GPC5: variants seen among roughly 807,000 people sequenced by gnomAD.
The protein encoded by GPC5 is glypican-5.
Under a neutral mutation model 53.9 loss-of-function variants are expected in GPC5, and 47 were observed. That is an observed-to-expected ratio of 0.87 (90% CI 0.69 to 1.11). GPC5 has a LOEUF of 1.11. GPC5 is among the 50% of genes most tolerant of loss of function. The pLI is 0.00. For missense variants in GPC5, 748 were observed against 713.1 expected (o/e 1.05, Z -0.56); for synonymous variants, 286 against 263.3 (o/e 1.09, Z -0.84).
At chr13:91,597,924 A>ATTT (rs11443769) in intron 2 of GPC5, among the ~76,000 whole-genome samples, 2 of 150,968 alleles carry the variant, frequency 1.3e-5, no homozygotes, top group East Asian at 1.9e-4. Context: ...TTGAGTTTGT[A>ATTT]TTTCTTTTTA....
chr13:92,613,869 T>C (rs1369325032), intron 7 of GPC5, among the ~76,000 whole-genome samples: 7 of 151,016 alleles, frequency 4.6e-5, no homozygotes, highest in South Asian at 2.1e-4. Context: ...AAAAAATTCT[T>C]TTAAAATAAA....
chr13:92,440,203 T>C (rs143108179), intron 7 of GPC5, among the ~76,000 whole-genome samples: 30 of 152,292 alleles, frequency 2.0e-4, no homozygotes, highest in African/African-American at 6.5e-4. Context: ...CCATTCCCCA[T>C]GTACTGAGAA....
chr13:92,495,302 G>C (rs1879929430), intron 7 of GPC5, among the ~76,000 whole-genome samples: 2 of 152,110 alleles, frequency 1.3e-5, no homozygotes, highest in African/African-American at 2.4e-5. Context: ...TTAGTTTGGG[G>C]AGGTGGAGGT....
chr13:91,461,768 C>T (rs1014191371), intron 2 of GPC5, among the ~76,000 whole-genome samples: 1 of 151,854 alleles, frequency 6.6e-6, no homozygotes, highest in East Asian at 1.9e-4. Context: ...TGGTATGAAG[C>T]CAATTGTCAC....
chr13:91,972,594 G>A (rs1256807898), intron 6 of GPC5, among the ~76,000 whole-genome samples: 5 of 152,186 alleles, frequency 3.3e-5, no homozygotes, highest in African/African-American at 1.2e-4. Flanking sequence ...TGTTTTTGCA[G>A]TGGCTGGTAC....
At chr13:91,575,171 C>A (rs2032086344) in intron 2 of GPC5, among the ~76,000 whole-genome samples, 2 of 152,164 alleles carry the variant, frequency 1.3e-5, no homozygotes, top group African/African-American at 4.8e-5. Flanking sequence ...CTATCCATCT[C>A]AAATCCTATA....
At chr13:92,809,386 C>T (rs1323121472) in intron 7 of GPC5, among the ~76,000 whole-genome samples, 1 of 152,126 alleles carries the variant, frequency 6.6e-6, no homozygotes, top group Non-Finnish European at 1.5e-5. Context: ...AGCATGCTCA[C>T]TAACAGTACA....
Position 91,473,816 on chromosome 13 carries a change from G to GA in GPC5, c.325+24899dup, listed in dbSNP as rs543361945. Among the ~76,000 whole-genome samples the GA allele has an allele frequency of 7.0e-4, 107 of 152,186 alleles. 2 individuals carry two copies. In the South Asian group the frequency reaches 0.022, roughly 31 times the overall value. ...GTGTTAGTTGGGCAAGGATAGTATGGAAAAATAGTGTTTTTCTTCCTCAAG... is the reference window on the plus strand; with the variant it reads ...GTGTTAGTTGGGCAAGGATAGTATGGAAAAAATAGTGTTTTTCTTCCTCAAG... On this transcript the variant is annotated intron_variant, in intron 2 of 7. Transcript: ENST00000377067.
rs570185199 is a variant in GPC5 at position 91,711,583 on chromosome 13, C to T, written c.1021-16949C>T. ...CAAACCTGCACGTTGTGCACATGTA[C>T]CCTAGAAGTTAAAGTATAATACTAA... On this transcript the variant is annotated intron_variant, in intron 3 of 7. Coordinates refer to ENST00000377067, the MANE Select transcript of GPC5 (RefSeq NM_004466.6). 3.9e-5 allele frequency among the ~76,000 whole-genome samples: 6 copies of T among 152,156 alleles called. No individual in the cohort carries two copies. In the East Asian group the frequency reaches 1.2e-3, roughly 29 times the overall value.
At chr13:91,856,741 A>G (rs2038971523) in intron 5 of GPC5, among the ~76,000 whole-genome samples, 1 of 151,070 alleles carries the variant, frequency 6.6e-6, no homozygotes, top group South Asian at 2.1e-4. Context: ...TTGCTGTTTT[A>G]TTTTCTTAAT....
rs534794678 is a variant in GPC5 at position 92,086,693 on chromosome 13, C to T, written c.1402-58137C>T. On this transcript the variant is annotated intron_variant, in intron 6 of 7. Coordinates refer to ENST00000377067, the MANE Select transcript of GPC5 (RefSeq NM_004466.6). ...CTTTCTTTTGAGATGGAGTCTTGCTCTGTTCCCTAGGCTGGAGTGCAGTGG... is the reference window on the plus strand; with the variant it reads ...CTTTCTTTTGAGATGGAGTCTTGCTTTGTTCCCTAGGCTGGAGTGCAGTGG... Among the ~76,000 whole-genome samples the T allele has an allele frequency of 9.7e-4, 147 of 151,654 alleles. 1 individual carries two copies. Among genetic ancestry groups the T allele is most frequent in the African/African-American group, 3.4e-3 (141 of 41,308 alleles).
Position 92,544,912 on chromosome 13 carries a change from T to C in GPC5, c.1562-321370T>C, listed in dbSNP as rs186710994. Reference sequence around the variant, plus strand: ...TTGAGAGTTAAGAGATTTTATTTTATTTTATTTTTTATTTTTTTTATTATA... The same window carrying C: ...TTGAGAGTTAAGAGATTTTATTTTACTTTATTTTTTATTTTTTTTATTATA... On this transcript the variant is annotated intron_variant, in intron 7 of 7. Transcript: ENST00000377067. Among the ~76,000 whole-genome samples the C allele has an allele frequency of 8.5e-5, 13 of 152,050 alleles. No homozygotes were observed. The East Asian group carries it at 2.3e-3, about 27-fold the overall frequency.
intron 7 of GPC5, among the ~76,000 whole-genome samples, chr13:92,176,566 C>T (rs2042110356): frequency 1.3e-5 from 2 of 152,174 alleles, no homozygotes; most frequent in African/African-American, 4.8e-5. Context: ...GGGTTTGACC[C>T]AAGGCATCAA....
chr13:91,790,828 CT>C (rs2037952669), intron 5 of GPC5, among the ~76,000 whole-genome samples: 1 of 152,120 alleles, frequency 6.6e-6, no homozygotes, highest in African/African-American at 2.4e-5. Context: ...CTATTCATTT[CT>C]TTTTTACACA....
intron 7 of GPC5, among the ~76,000 whole-genome samples, chr13:92,711,233 C>T (rs1485408201): frequency 6.6e-6 from 1 of 152,082 alleles, no homozygotes; most frequent in Non-Finnish European, 1.5e-5. Context: ...AACATTTTGC[C>T]ACATGACCCT....
At chr13:92,832,688 G>A (rs890457398) in intron 7 of GPC5, among the ~76,000 whole-genome samples, 2 of 152,020 alleles carry the variant, frequency 1.3e-5, no homozygotes, top group African/African-American at 2.4e-5. Context: ...CCATGGCTTG[G>A]AGGATGCAAA....
chr13:91,869,351 G>A (rs571298701), intron 5 of GPC5, among the ~76,000 whole-genome samples: 11 of 151,966 alleles, frequency 7.2e-5, no homozygotes, highest in East Asian at 5.8e-4. Flanking sequence ...GAACCACCTC[G>A]CCAGCAATGG....
At chr13:92,425,958 T>A (rs1317070857) in intron 7 of GPC5, among the ~76,000 whole-genome samples, 1 of 152,122 alleles carries the variant, frequency 6.6e-6, no homozygotes, top group Non-Finnish European at 1.5e-5. Flanking sequence ...TTGGTGTTGT[T>A]AATAGCTCTC....
intron 1 of GPC5, among the ~76,000 whole-genome samples, chr13:91,399,548 A>G (rs577258410): frequency 2.6e-5 from 4 of 152,322 alleles, no homozygotes; most frequent in Non-Finnish European, 4.4e-5. Context: ...TCTTCCGAGT[A>G]GGAATTTCCC....
Sources: allele counts gnomAD v4.1 joint callset (sites outside exome capture counted in the v4.1 genomes callset), GRCh38; gene constraint gnomAD v4.1.1; transcripts MANE v1.5; gene names NCBI Gene and HGNC (gene_info 2026-07-23, HGNC 2026-07-21).